The following EBLN2 variants were observed in gnomAD, a reference collection of about 807,000 sequenced individuals.
EBLN2 encodes the protein endogenous Bornavirus-like nucleoprotein 2.
For synonymous variants in EBLN2, 131 were observed against 113.6 expected, an observed-to-expected ratio of 1.15 and a Z score of -0.97; for missense variants, 397 against 324.2, an observed-to-expected ratio of 1.22 and a Z score of -1.72.
chr3:73,063,193 A>T lies in EBLN2; in HGVS notation c.*293A>T. On this transcript the variant is annotated 3_prime_UTR_variant, in exon 1 of 1. Coordinates refer to ENST00000533473, the MANE Select transcript of EBLN2 (RefSeq NM_018029.4). The stretch of plus-strand genomic sequence containing the variant: ...TTTGGGATTTAAAGCTCCTGATGTT[A>T]TACCAGGATCAACCATCACACTCCC... 2.5e-6 allele frequency: 1 copy of T among 408,114 alleles called. No homozygotes were observed. The highest frequency in any genetic ancestry group is 4.6e-6 in the Non-Finnish European group (1 of 218,098). 25.3% of individuals were successfully genotyped at this position (408,114 alleles called of 1,614,324 possible). A position where few individuals can be genotyped will look rare whatever the true frequency, so the allele number is the denominator to read the frequency against.
chr3:73,062,107 C>A lies in EBLN2; in HGVS notation c.26C>A (p.Ala9Asp). 2 of 1,545,770 alleles carry A rather than the reference C, an allele frequency of 1.3e-6. No individual in the cohort carries two copies. Among genetic ancestry groups the A allele is most frequent in the Non-Finnish European group, 1.7e-6 (2 of 1,146,002 alleles). Residue 9 changes from alanine to aspartate, a missense_variant, in exon 1 of 1, where the codon GCT becomes GAT. Ala to Asp is a moderately radical substitution (Grantham distance 126). Transcript: ENST00000533473. MGYFLKLY[A>D]YVNSHSLFVW... The stretch of plus-strand genomic sequence containing the variant: ...ATGGGTTATTTTCTTAAATTGTATG[C>A]TTATGTTAATTCTCACAGTCTTTTT...
chr3:73,063,161 C>G lies in EBLN2; in HGVS notation c.*261C>G, dbSNP rs1316543105. 2.1e-6 allele frequency: 1 copy of G among 469,132 alleles called. No homozygotes were observed. Among genetic ancestry groups the G allele is most frequent in the Admixed American group, 4.1e-5 (1 of 24,276 alleles). 29.1% of individuals were successfully genotyped at this position (469,132 alleles called of 1,614,324 possible). A position where few individuals can be genotyped will look rare whatever the true frequency, so the allele number is the denominator to read the frequency against. ...AACTACTGGGCCAAGATGAGCAACC[C>G]CACATTTTTGGGATTTAAAGCTCCT... is the stretch of plus-strand genomic sequence containing the variant. On this transcript the variant is annotated 3_prime_UTR_variant, in exon 1 of 1. Transcript: ENST00000533473.
chr3:73,062,103 T>C lies in EBLN2; in HGVS notation c.22T>C (p.Tyr8His), dbSNP rs144367973. MGYFLKL[Y>H]AYVNSHSLFV... ...AATAATGGGTTATTTTCTTAAATTG[T>C]ATGCTTATGTTAATTCTCACAGTCT... The change falls in exon 1 of 1, where the codon TAT becomes CAT. Residue 8 changes from tyrosine to histidine, a missense_variant. By Grantham distance (83) the Tyr-to-His change is moderately conservative (BLOSUM62 2). Coordinates refer to ENST00000533473, the MANE Select transcript of EBLN2 (RefSeq NM_018029.4). 5.8e-6 allele frequency: 9 copies of C among 1,543,082 alleles called. No individual in the cohort carries two copies. In the Admixed American group the frequency reaches 1.9e-4, roughly 32 times the overall value.
Position 73,062,736 on chromosome 3 carries a change from A to T in EBLN2, c.655A>T (p.Ile219Phe), listed in dbSNP as rs763394375. Residue 219 changes from isoleucine to phenylalanine, a missense_variant, in exon 1 of 1, where the codon ATT becomes TTT. By Grantham distance (21) the Ile-to-Phe change is conservative. Transcript: ENST00000533473. ...QRRFKAMMAS[I>F]GRLSHGESAD... Reference sequence around the variant, plus strand: ...ACGATTCAAGGCAATGATGGCATCTATTGGAAGACTTTCACATGGTGAGAG... The same window carrying T: ...ACGATTCAAGGCAATGATGGCATCTTTTGGAAGACTTTCACATGGTGAGAG... 1.9e-6 allele frequency: 3 copies of T among 1,613,894 alleles called. No homozygotes were observed. The highest frequency in any genetic ancestry group is 2.7e-5 in the African/African-American group (2 of 74,922).
Position 73,062,955 on chromosome 3 carries a change from C to G in EBLN2, c.*55C>G. 2 of 1,481,468 alleles carry G rather than the reference C, an allele frequency of 1.4e-6. No individual in the cohort carries two copies. Among genetic ancestry groups the G allele is most frequent in the African/African-American group, 1.4e-5 (1 of 71,058 alleles). 91.8% of individuals were successfully genotyped at this position (1,481,468 alleles called of 1,614,324 possible). Reference sequence around the variant, plus strand: ...TAATGCTGTGAGAATGTTTCTAGATCAGTGCATGGATGGCTCCATTGCTCT... The same window carrying G: ...TAATGCTGTGAGAATGTTTCTAGATGAGTGCATGGATGGCTCCATTGCTCT... On this transcript the variant is annotated 3_prime_UTR_variant, in exon 1 of 1. Transcript: ENST00000533473.
In EBLN2 at chr3:73,062,719, A is replaced by G. The variant is rs1437836712; in HGVS notation, c.638A>G (p.Lys213Arg). ...AGTCTCCAAGTTCAGAGACGATTCA[A>G]GGCAATGATGGCATCTATTGGAAGA... is the stretch of plus-strand genomic sequence containing the variant. ...TSSLQVQRRF[K>R]AMMASIGRLS... Residue 213 changes from lysine (K) to arginine (R), a missense_variant, in exon 1 of 1, where the codon AAG becomes AGG. Physicochemically the swap from Lys to Arg is conservative, Grantham distance 26. Transcript: ENST00000533473. 3.1e-6 allele frequency: 5 copies of G among 1,614,014 alleles called. No individual in the cohort carries two copies. The South Asian group carries it at 5.5e-5, about 18-fold the overall frequency.
chr3:73,062,419 C>G lies in EBLN2; in HGVS notation c.338C>G (p.Pro113Arg). 1 of 1,611,252 alleles carries G rather than the reference C, an allele frequency of 6.2e-7. No individual in the cohort carries two copies. Among genetic ancestry groups the G allele is most frequent in the Non-Finnish European group, 8.5e-7 (1 of 1,178,926 alleles). Residue 113 changes from proline to arginine, a missense_variant, in exon 1 of 1, where the codon CCA (proline) becomes CGA (arginine). Physicochemically the swap from Pro to Arg is moderately radical, Grantham distance 103 (BLOSUM62 -2). Coordinates refer to ENST00000533473, the MANE Select transcript of EBLN2 (RefSeq NM_018029.4). ...IKKAAKSMLDPAHKSHFHPVT... is the reference protein window; with the variant it reads ...IKKAAKSMLDRAHKSHFHPVT... ...AAAGCAGCCAAGTCTATGCTAGACCCAGCACATAAATCTCATTTCCACCCT... is the reference window on the plus strand; with the variant it reads ...AAAGCAGCCAAGTCTATGCTAGACCGAGCACATAAATCTCATTTCCACCCT...
rs753071605 is a variant in EBLN2, at chr3:73,062,932, A to G, written c.*32A>G. ...AGAAAGCACAGATGACAACCTATTA[A>G]TGCTGTGAGAATGTTTCTAGATCAG... On this transcript the variant is annotated 3_prime_UTR_variant, in exon 1 of 1. Coordinates refer to ENST00000533473, the MANE Select transcript of EBLN2 (RefSeq NM_018029.4). The G allele has an allele frequency of 2.0e-5, 32 of 1,572,716 alleles. No individual in the cohort carries two copies.
Position 73,062,063 on chromosome 3 carries a change from C to G in EBLN2, c.-19C>G. ...GAAAAATGGTAAAGAAGTGCAGAGT[C>G]AAGTCATAGCGACTAATAATGGGTT... On this transcript the variant is annotated 5_prime_UTR_variant, in exon 1 of 1. Coordinates refer to ENST00000533473, the MANE Select transcript of EBLN2 (RefSeq NM_018029.4). 1 of 1,495,654 alleles carries G rather than the reference C, an allele frequency of 6.7e-7. No homozygotes were observed. The highest frequency in any genetic ancestry group is 9.0e-7 in the Non-Finnish European group (1 of 1,116,786). 92.6% of individuals were successfully genotyped at this position (1,495,654 alleles called of 1,614,324 possible).
Position 73,062,413 on chromosome 3 carries a change from T to C in EBLN2, c.332T>C (p.Leu111Pro). 6.2e-7 allele frequency: 1 copy of C among 1,611,378 alleles called. No individual in the cohort carries two copies. Among genetic ancestry groups the C allele is most frequent in the South Asian group, 1.1e-5 (1 of 90,638 alleles). The change falls in exon 1 of 1, where the codon CTA (leucine) becomes CCA (proline). Residue 111 changes from leucine to proline, a missense_variant. Leu to Pro is a moderately conservative substitution (Grantham distance 98). Coordinates refer to ENST00000533473, the MANE Select transcript of EBLN2 (RefSeq NM_018029.4). ...KDIKKAAKSM[L>P]DPAHKSHFHP... The stretch of plus-strand genomic sequence containing the variant: ...ATTAAAAAAGCAGCCAAGTCTATGC[T>C]AGACCCAGCACATAAATCTCATTTC...
rs1012768603 is a variant in EBLN2 at position 73,062,123 on chromosome 3, C to T, written c.42C>T (p.His14=). 3.9e-6 allele frequency: 6 copies of T among 1,548,736 alleles called. No homozygotes were observed. The highest frequency in any genetic ancestry group is 5.2e-6 in the Non-Finnish European group (6 of 1,147,172). The change falls in exon 1 of 1, where the codon CAC becomes CAT. Residue 14 remains histidine (H), a synonymous_variant. Transcript: ENST00000533473. Reference sequence around the variant, plus strand: ...AATTGTATGCTTATGTTAATTCTCACAGTCTTTTTGTTTGGGTCTGTGACA... The same window carrying T: ...AATTGTATGCTTATGTTAATTCTCATAGTCTTTTTGTTTGGGTCTGTGACA... ...FLKLYAYVNS[H]SLFVWVCDRS...
Position 73,062,060 on chromosome 3 carries a change from AG to A in EBLN2, c.-21del. 6 of 1,485,054 alleles carry A rather than the reference AG, an allele frequency of 4.0e-6. No homozygotes were observed. The highest frequency in any genetic ancestry group is 5.4e-6 in the Non-Finnish European group (6 of 1,109,842). 92.0% of individuals were successfully genotyped at this position (1,485,054 alleles called of 1,614,324 possible). On this transcript the variant is annotated 5_prime_UTR_variant, in exon 1 of 1. It introduces an in-frame stop codon into an upstream open reading frame of the 5' UTR. Coordinates refer to ENST00000533473, the MANE Select transcript of EBLN2 (RefSeq NM_018029.4). The stretch of plus-strand genomic sequence containing the variant: ...TTGGAAAAATGGTAAAGAAGTGCAG[AG>A]TCAAGTCATAGCGACTAATAATGGG...
In EBLN2 at chr3:73,062,754, G is replaced by A; in HGVS notation, c.673G>A (p.Gly225Ser). 1 of 1,613,982 alleles carries A rather than the reference G, an allele frequency of 6.2e-7. No individual in the cohort carries two copies. Among genetic ancestry groups the A allele is most frequent in the Non-Finnish European group, 8.5e-7 (1 of 1,179,876 alleles). The change falls in exon 1 of 1, where the codon GGT (glycine) becomes AGT (serine). Residue 225 changes from glycine (G) to serine (S), a missense_variant. By Grantham distance (56) the Gly-to-Ser change is moderately conservative. Transcript: ENST00000533473. ...MMASIGRLSHGESADLLISCN... is the reference protein window; with the variant it reads ...MMASIGRLSHSESADLLISCN... The stretch of plus-strand genomic sequence containing the variant: ...GGCATCTATTGGAAGACTTTCACAT[G>A]GTGAGAGTGCTGATCTGCTAATCAG...
chr3:73,062,379 A>AT, the EBLN2 span: 1 of 1,607,288 alleles, frequency 6.2e-7, no homozygotes, highest in Non-Finnish European at 8.5e-7. Flanking sequence ...CATTGGGGAT[A>AT]TTAAGGACAT....
At position 73,063,026 on chromosome 3, in the gene EBLN2, C is replaced by A. The variant is rs1559570506; in HGVS notation, c.*126C>A. 1 of 926,364 alleles carries A rather than the reference C, an allele frequency of 1.1e-6. No individual in the cohort carries two copies. Among genetic ancestry groups the A allele is most frequent in the South Asian group, 1.7e-5 (1 of 59,582 alleles). The allele number at this position is 926,364 out of a possible 1,614,324, so 57.4% of individuals were successfully genotyped here. ...TCCCAGTCTTTGAGGAGAAAAAAAA[C>A]AATGGTTAAAAAGGCATTGGGGAAA... is the stretch of plus-strand genomic sequence containing the variant. On this transcript the variant is annotated 3_prime_UTR_variant, in exon 1 of 1. Coordinates refer to ENST00000533473, the MANE Select transcript of EBLN2 (RefSeq NM_018029.4).
Position 73,062,611 on chromosome 3 carries a change from T to C in EBLN2, c.530T>C (p.Leu177Pro). The C allele has an allele frequency of 1.2e-6, 2 of 1,614,014 alleles. No homozygotes were observed. Among genetic ancestry groups the C allele is most frequent in the East Asian group, 2.2e-5 (1 of 44,880 alleles). The change falls in exon 1 of 1, where the codon CTT (leucine) becomes CCT (proline). Residue 177 changes from leucine (L) to proline (P), a missense_variant. Physicochemically the swap from Leu to Pro is moderately conservative, Grantham distance 98. Coordinates refer to ENST00000533473, the MANE Select transcript of EBLN2 (RefSeq NM_018029.4). Reference protein sequence around the residue: ...RFKDMPNFIALEKSSVLRHCC... With the variant: ...RFKDMPNFIAPEKSSVLRHCC... The stretch of plus-strand genomic sequence containing the variant: ...AAAGATATGCCTAACTTTATTGCCC[T>C]TGAGAAGTCATCAGTTCTCCGCCAC...
At chr3:73,062,330 C>CA in the EBLN2 span, 207,228 of 1,607,514 alleles carry the variant, frequency 0.13, 17,201 homozygotes, top group East Asian at 0.35. Context: ...CTGGGAAAAA[C>CA]AGACAGTATC....
chr3:73,063,116 C>T lies in EBLN2; in HGVS notation c.*216C>T. The T allele has an allele frequency of 1.8e-6, 1 of 541,662 alleles. No individual in the cohort carries two copies. 33.6% of individuals were successfully genotyped at this position (541,662 alleles called of 1,614,324 possible). A position where few individuals can be genotyped will look rare whatever the true frequency, so the allele number is the denominator to read the frequency against. On this transcript the variant is annotated 3_prime_UTR_variant, in exon 1 of 1. Coordinates refer to ENST00000533473, the MANE Select transcript of EBLN2 (RefSeq NM_018029.4). ...GGGGAGCTGTCACCACGAATGTTCC[C>T]AAACTTAGCAACAGCGGCAAACTAC...
Position 73,062,139 on chromosome 3 carries a change from G to T in EBLN2, c.58G>T (p.Val20Phe), listed in dbSNP as rs1307890277. 1.3e-6 allele frequency: 2 copies of T among 1,547,596 alleles called. No homozygotes were observed. Among genetic ancestry groups the T allele is most frequent in the Admixed American group, 2.1e-5 (1 of 48,006 alleles). The change falls in exon 1 of 1, where the codon GTC becomes TTC. Residue 20 changes from valine to phenylalanine, a missense_variant. Transcript: ENST00000533473. ...TAATTCTCACAGTCTTTTTGTTTGG[G>T]TCTGTGACAGATCTTACAAAAGATC... Reference protein sequence around the residue: ...YVNSHSLFVWVCDRSYKRSFR... With the variant: ...YVNSHSLFVWFCDRSYKRSFR...
Sources: allele counts gnomAD v4.1 joint callset, GRCh38; gene constraint gnomAD v4.1.1; transcripts MANE v1.5; gene names NCBI Gene and HGNC (gene_info 2026-07-23, HGNC 2026-07-21).